THSD7B: variants seen among roughly 807,000 people sequenced by gnomAD.
The protein encoded by THSD7B is thrombospondin type-1 domain-containing protein 7B.
Under a neutral mutation model 213.6 loss-of-function variants are expected in THSD7B, and 138 were observed. The observed-to-expected ratio is 0.65, with a 90% CI of 0.56 to 0.74. The LOEUF (loss-of-function observed/expected upper bound fraction) is 0.74. Ranked by LOEUF, THSD7B falls within the 30% of genes least tolerant of loss-of-function variation. THSD7B has a pLI of 0.00. For synonymous variants in THSD7B, 742 were observed against 687.0 expected, an observed-to-expected ratio of 1.08 and a Z score of -1.25; for missense variants, 1,931 against 1,991.5, an observed-to-expected ratio of 0.97 and a Z score of 0.58.
chr2:137,303,331 AT>A (rs1683651601), intron 12 of THSD7B, among the ~76,000 whole-genome samples: 1 of 152,160 alleles, frequency 6.6e-6, no homozygotes, highest in Non-Finnish European at 1.5e-5. Flanking sequence ...CACTTCTAAA[AT>A]ATAGGTTCAT....
At chr2:137,100,527 A>G (rs1461750454) in intron 4 of THSD7B, among the ~76,000 whole-genome samples, 1 of 152,032 alleles carries the variant, frequency 6.6e-6, no homozygotes, top group East Asian at 1.9e-4. Context: ...CTTAATAGTA[A>G]TGTCCCAACA....
At chr2:137,373,887 G>C (rs1685591523) in intron 12 of THSD7B, among the ~76,000 whole-genome samples, 1 of 152,170 alleles carries the variant, frequency 6.6e-6, no homozygotes, top group Non-Finnish European at 1.5e-5. Flanking sequence ...AAGTTGTAAG[G>C]AAGGGATCCA....
chr2:137,363,019 A>T (rs1049105433), intron 12 of THSD7B, among the ~76,000 whole-genome samples: 2 of 152,212 alleles, frequency 1.3e-5, no homozygotes, highest in Non-Finnish European at 2.9e-5. Flanking sequence ...GAAAGAACAG[A>T]AATCACAACA....
intron 1 of THSD7B, among the ~76,000 whole-genome samples, chr2:136,833,307 G>GT (rs11390215): frequency 0.83 from 121,455 of 146,130 alleles, 50,747 homozygotes; most frequent in Non-Finnish European, 0.87. Context: ...GGAGCTCGCA[G>GT]GAGCTGAGAT....
Position 137,670,661 on chromosome 2 carries a change from C to T in THSD7B, c.4739+2800C>T, listed in dbSNP as rs146439461. 5.3e-5 allele frequency among the ~76,000 whole-genome samples: 8 copies of T among 152,184 alleles called. No homozygotes were observed. The East Asian group carries it at 1.5e-3, about 29-fold the overall frequency. On this transcript the variant is annotated intron_variant, in intron 27 of 27. Transcript: ENST00000409968. ...CTTCGGCCAGGTGCGGTGGCTCATG[C>T]CTGTAATCCCAGCACTTTGGGAGGC...
At chr2:137,389,405 T>C (rs915846977) in intron 12 of THSD7B, among the ~76,000 whole-genome samples, 7,142 of 54,504 alleles carry the variant, frequency 0.13, 512 homozygotes, top group Non-Finnish European at 0.23. Flanking sequence ...TAATGTGATT[T>C]TTTTTTTTTT....
intron 1 of THSD7B, among the ~76,000 whole-genome samples, chr2:136,800,155 C>T (rs929513509): frequency 6.6e-6 from 1 of 151,910 alleles, no homozygotes; most frequent in African/African-American, 2.4e-5. Context: ...CAATTTTTTT[C>T]ACATTAATTA....
At chr2:137,530,886 G>A (rs1340336318) in intron 15 of THSD7B, among the ~76,000 whole-genome samples, 1 of 151,950 alleles carries the variant, frequency 6.6e-6, no homozygotes, top group East Asian at 1.9e-4. Flanking sequence ...AGGATACAGA[G>A]GAGTGCAGGC....
At chr2:137,352,160 AAGGAGG>A (rs375942528) in intron 12 of THSD7B, among the ~76,000 whole-genome samples, 21 of 151,042 alleles carry the variant, frequency 1.4e-4, no homozygotes, top group African/African-American at 4.4e-4. Flanking sequence ...GTGAGGGGAG[AAGGAGG>A]AGGAGGAGGA....
At chr2:136,779,586 T>C (rs948136723) in intron 1 of THSD7B, among the ~76,000 whole-genome samples, 3 of 152,114 alleles carry the variant, frequency 2.0e-5, no homozygotes, top group African/African-American at 7.2e-5. Context: ...AGAAAAAAAA[T>C]CTTGGAAACT....
At chr2:137,558,578 C>G (rs564199395) in intron 15 of THSD7B, among the ~76,000 whole-genome samples, 2 of 152,188 alleles carry the variant, frequency 1.3e-5, no homozygotes, top group African/African-American at 4.8e-5. Flanking sequence ...ATACTAAGAG[C>G]TGTTTATGAC....
intron 27 of THSD7B, among the ~76,000 whole-genome samples, chr2:137,671,113 A>G (rs984475398): frequency 2.0e-5 from 3 of 152,024 alleles, no homozygotes; most frequent in Non-Finnish European, 4.4e-5. Context: ...TTTGCGATAC[A>G]GCACTTCTTT....
At position 137,250,229 on chromosome 2, in the gene THSD7B, A is replaced by G. The variant is rs572171283; in HGVS notation, c.2266+7657A>G. On this transcript the variant is annotated intron_variant, in intron 10 of 27. Coordinates refer to ENST00000409968, the MANE Select transcript of THSD7B (RefSeq NM_001316349.2). ...TAATTTATATGCATTACTCTATTTG[A>G]TTACTTCTATTTTAAAATTTTATTT... is the stretch of plus-strand genomic sequence containing the variant. 3.9e-4 allele frequency among the ~76,000 whole-genome samples: 60 copies of G among 152,314 alleles called. 1 individual carries two copies. The highest frequency in any genetic ancestry group is 1.1e-3 in the African/African-American group (44 of 41,564).
intron 16 of THSD7B, among the ~76,000 whole-genome samples, chr2:137,563,700 T>C (rs1681170662): frequency 6.6e-6 from 1 of 152,148 alleles, no homozygotes; most frequent in Non-Finnish European, 1.5e-5. Context: ...TTTTTTGCAT[T>C]ATGGTTAGTA....
chr2:137,039,201 C>G (rs571297976), intron 2 of THSD7B, among the ~76,000 whole-genome samples: 11 of 152,070 alleles, frequency 7.2e-5, no homozygotes, highest in Non-Finnish European at 1.5e-4. Context: ...GTTTCAAGCT[C>G]TTGGATCACT....
chr2:136,780,956 C>T (rs906874408), intron 1 of THSD7B, among the ~76,000 whole-genome samples: 2 of 152,064 alleles, frequency 1.3e-5, no homozygotes, highest in African/African-American at 4.8e-5. Flanking sequence ...AACACCGATG[C>T]CTCCAATGCC....
rs113283454 is a variant in THSD7B at position 136,803,267 on chromosome 2, G to A, written c.-36+37580G>A. Among the ~76,000 whole-genome samples the A allele has an allele frequency of 6.4e-3, 979 of 152,190 alleles. 18 individuals are homozygous for A. Among genetic ancestry groups the A allele is most frequent in the African/African-American group, 0.022 (918 of 41,516 alleles). On this transcript the variant is annotated intron_variant, in intron 1 of 27. Transcript: ENST00000409968. ...CACTAAACATCATGAAAAGATGGAA[G>A]AAGTGAATGTACTACCAGAACCCCA...
chr2:137,556,955 A>C (rs1341309491), intron 15 of THSD7B, among the ~76,000 whole-genome samples: 1 of 152,198 alleles, frequency 6.6e-6, no homozygotes, highest in East Asian at 1.9e-4. Context: ...AGGCCATTAC[A>C]TAATGGTAAA....
intron 3 of THSD7B, among the ~76,000 whole-genome samples, chr2:137,075,689 G>C (rs1687606217): frequency 6.6e-6 from 1 of 152,194 alleles, no homozygotes; most frequent in East Asian, 1.9e-4. Context: ...CAGTTTTTCT[G>C]CTCTGTGTTT....
Sources: gnomAD v4.1 joint callset for allele counts (sites outside exome capture counted in the v4.1 genomes callset) on GRCh38, gnomAD v4.1.1 for gene constraint, MANE v1.5 for transcripts, NCBI Gene and HGNC (gene_info 2026-07-23, HGNC 2026-07-21) for gene names.